Variants in SMIM14 observed in about 807,000 individuals in gnomAD.
SMIM14 encodes the protein chromosome 4 open reading frame 34.
In SMIM14, 5 loss-of-function variants were observed where a neutral mutation model predicts 12.6. That is an observed-to-expected ratio of 0.40 (90% CI 0.21 to 0.83). The LOEUF is 0.83. SMIM14 is among the 40% of genes least tolerant of loss of function. The probability of loss-of-function intolerance (pLI) is 0.37; values close to 1 mark genes in which losing one functional copy is unlikely to be tolerated. For missense variants in SMIM14, 86 were observed against 119.1 expected (o/e 0.72, Z 1.29); for synonymous variants, 30 against 40.1 (o/e 0.75, Z 0.95).
chr4:39,599,783 A>G (rs4501235), intron 2 of SMIM14, among the ~76,000 whole-genome samples: 141,754 of 152,022 alleles, frequency 0.93, 66,891 homozygotes, highest in Non-Finnish European at 1. Flanking sequence ...TTAGCTGGGC[A>G]TGGTAGCGCG....
chr4:39,635,411 G>A (rs939228239), intron 1 of SMIM14, among the ~76,000 whole-genome samples: 1 of 152,130 alleles, frequency 6.6e-6, no homozygotes, highest in Non-Finnish European at 1.5e-5. Flanking sequence ...GGGTGTCAAG[G>A]TAATTTACAT....
rs941475329 is a variant in SMIM14, at chr4:39,602,049, G to C, written c.75+3022C>G. The stretch of plus-strand genomic sequence containing the variant: ...CAGATAGTTGAGCTCAGGAGTTCAA[G>C]ACCAGCCTGGGCAACATGGTAGAAC... On this transcript the variant is annotated intron_variant, in intron 2 of 4. Transcript: ENST00000295958. Among the ~76,000 whole-genome samples the C allele has an allele frequency of 2.0e-5, 3 of 150,068 alleles. No homozygotes were observed. The Admixed American group carries it at 2.0e-4, about 10-fold the overall frequency.
At chr4:39,610,817 T>C (rs1715005553) in intron 1 of SMIM14, among the ~76,000 whole-genome samples, 1 of 152,116 alleles carries the variant, frequency 6.6e-6, no homozygotes, top group Admixed American at 6.6e-5. Flanking sequence ...CTTATGAGTA[T>C]GTATTTATGC....
At chr4:39,629,611 T>C (rs1219968385) in intron 1 of SMIM14, among the ~76,000 whole-genome samples, 1 of 151,508 alleles carries the variant, frequency 6.6e-6, no homozygotes, top group Non-Finnish European at 1.5e-5. Context: ...ATGGCTTCGC[T>C]TATAAATGTT....
At chr4:39,611,428 C>T (rs1209025805) in intron 1 of SMIM14, among the ~76,000 whole-genome samples, 1 of 151,822 alleles carries the variant, frequency 6.6e-6, no homozygotes, top group East Asian at 1.9e-4. Context: ...ATTGCTTGAA[C>T]TCGGGGGGTG....
intron 2 of SMIM14, among the ~76,000 whole-genome samples, chr4:39,600,364 A>G (rs1257361089): frequency 1.3e-5 from 2 of 152,074 alleles, no homozygotes; most frequent in Non-Finnish European, 2.9e-5. Flanking sequence ...TCTATTACTC[A>G]TAATGAAGAA....
intron 2 of SMIM14, among the ~76,000 whole-genome samples, chr4:39,573,240 C>T (rs1254869428): frequency 6.6e-6 from 1 of 151,994 alleles, no homozygotes; most frequent in Non-Finnish European, 1.5e-5. Flanking sequence ...GGATTACAGG[C>T]ACCCGCCACC....
chr4:39,607,176 C>A (rs1021774618), intron 1 of SMIM14, among the ~76,000 whole-genome samples: 2 of 152,078 alleles, frequency 1.3e-5, no homozygotes, highest in Non-Finnish European at 2.9e-5. Context: ...CATTAGTGAG[C>A]TGTGGGACAA....
chr4:39,630,522 T>C (rs568824649), intron 1 of SMIM14, among the ~76,000 whole-genome samples: 1 of 152,182 alleles, frequency 6.6e-6, no homozygotes, highest in South Asian at 2.1e-4. Context: ...CGCATAAACA[T>C]CATTAGTCAT....
intron 1 of SMIM14, among the ~76,000 whole-genome samples, chr4:39,616,611 C>G (rs1715234264): frequency 6.8e-6 from 1 of 147,502 alleles, no homozygotes; most frequent in Non-Finnish European, 1.5e-5. Context: ...CTTATCTTCT[C>G]TATACATCTT....
chr4:39,631,101 G>A (rs2109257308), intron 1 of SMIM14, among the ~76,000 whole-genome samples: 1 of 152,180 alleles, frequency 6.6e-6, no homozygotes, highest in East Asian at 1.9e-4. Context: ...GGAGGCTGAG[G>A]TGGGCAGATC....
At position 39,558,563 on chromosome 4, in the gene SMIM14, G is replaced by A. The variant is rs1018936805; in HGVS notation, c.125-1993C>T. On this transcript the variant is annotated intron_variant, in intron 3 of 4. Coordinates refer to ENST00000295958, the MANE Select transcript of SMIM14 (RefSeq NM_174921.3). The surrounding 1 kb of genome is among the most constrained non-coding windows in gnomAD (Gnocchi z 4.3). Reference sequence around the variant, plus strand: ...TGGGAACTTGCATAGGGCGGAGTGGGCTTACCTAAAAAAACCCAGTTATAC... The same window carrying A: ...TGGGAACTTGCATAGGGCGGAGTGGACTTACCTAAAAAAACCCAGTTATAC... Among the ~76,000 whole-genome samples, 2 of 152,144 alleles carry A rather than the reference G, an allele frequency of 1.3e-5. No homozygotes were observed. The highest frequency in any genetic ancestry group is 4.8e-5 in the African/African-American group (2 of 41,434).
At chr4:39,587,818 C>T (rs1713861220) in intron 2 of SMIM14, 1 of 152,528 alleles carries the variant, frequency 6.6e-6, no homozygotes, top group Non-Finnish European at 1.5e-5. Flanking sequence ...ATCTGTTTGC[C>T]CTCCTCTTGA....
intron 3 of SMIM14, among the ~76,000 whole-genome samples, chr4:39,562,825 G>GTTTTTTTTTT (rs1553861796): frequency 1.3e-4 from 17 of 128,044 alleles, no homozygotes; most frequent in African/African-American, 7.2e-4. Flanking sequence ...TGTATTTTTA[G>GTTTTTTTTTT]TAGAGACGGT....
intron 1 of SMIM14, among the ~76,000 whole-genome samples, chr4:39,615,547 G>A (rs759000669): frequency 2.6e-5 from 4 of 152,108 alleles, no homozygotes; most frequent in Non-Finnish European, 4.4e-5. Context: ...ACTTTTCAAT[G>A]TTAGGTTCGT....
intron 1 of SMIM14, among the ~76,000 whole-genome samples, chr4:39,611,521 AC>A (rs1004097260): frequency 7.9e-5 from 12 of 151,758 alleles, no homozygotes; most frequent in Non-Finnish European, 8.8e-5. Context: ...AAAAAAAAAA[AC>A]AATTAGCCAG....
intron 1 of SMIM14, among the ~76,000 whole-genome samples, chr4:39,620,677 C>T (rs1473378595): frequency 6.6e-6 from 1 of 152,062 alleles, no homozygotes; most frequent in African/African-American, 2.4e-5. Context: ...CTGCTATGTA[C>T]TATAGGAATG....
At chr4:39,617,340 TTA>T (rs1480551210) in intron 1 of SMIM14, among the ~76,000 whole-genome samples, 1 of 152,184 alleles carries the variant, frequency 6.6e-6, no homozygotes, top group Non-Finnish European at 1.5e-5. Flanking sequence ...CTGTATACGA[TTA>T]TGTGTTTTCT....
chr4:39,589,338 T>G (rs903260523), intron 2 of SMIM14, among the ~76,000 whole-genome samples: 2 of 152,192 alleles, frequency 1.3e-5, no homozygotes, highest in Non-Finnish European at 2.9e-5. Context: ...TCGCCCGCCT[T>G]AGCTTCCCAC....
Sources: allele counts gnomAD v4.1 joint callset (sites outside exome capture counted in the v4.1 genomes callset), GRCh38; gene constraint gnomAD v4.1.1; non-coding constraint Gnocchi (gnomAD v3.1); transcripts MANE v1.5; gene names NCBI Gene and HGNC (gene_info 2026-07-23, HGNC 2026-07-21).